Variants in MAP4K3 observed in about 807,000 individuals in gnomAD.
MAP4K3 encodes the protein MAPK/ERK kinase kinase kinase 3.
In MAP4K3, 94 loss-of-function variants were observed where a neutral mutation model predicts 143.5. The ratio of observed to expected loss-of-function variants is 0.65; its 90% confidence interval spans 0.55 to 0.78. The LOEUF is 0.78. Ranked by LOEUF, MAP4K3 falls within the 30% of genes least tolerant of loss-of-function variation. The pLI is 0.00. For missense variants in MAP4K3, 1,077 were observed against 1,068.1 expected, an observed-to-expected ratio of 1.01 and a Z score of -0.12; for synonymous variants, 416 against 347.2, an observed-to-expected ratio of 1.20 and a Z score of -2.20.
At chr2:39,430,658 A>G (rs1016985101) in intron 1 of MAP4K3, among the ~76,000 whole-genome samples, 5 of 152,214 alleles carry the variant, frequency 3.3e-5, no homozygotes, top group Admixed American at 2.6e-4. Context: ...GTCATATGTG[A>G]TAGCCTACTG....
chr2:39,369,060 AC>A (rs1025217089), intron 2 of MAP4K3, among the ~76,000 whole-genome samples: 1 of 152,032 alleles, frequency 6.6e-6, no homozygotes, highest in East Asian at 1.9e-4. Flanking sequence ...ATGTCTTCTC[AC>A]CAGCAGGGCT....
intron 1 of MAP4K3, among the ~76,000 whole-genome samples, chr2:39,388,397 G>T (rs1207977723): frequency 2.0e-5 from 3 of 152,148 alleles, no homozygotes; most frequent in African/African-American, 7.2e-5. Flanking sequence ...TAAATTCACA[G>T]GTGGCACAAA....
chr2:39,380,150 G>C (rs1447865636), intron 1 of MAP4K3, among the ~76,000 whole-genome samples: 3 of 151,962 alleles, frequency 2.0e-5, no homozygotes, highest in Non-Finnish European at 2.9e-5. Flanking sequence ...AATGATTACT[G>C]TTCTTTTGCT....
chr2:39,419,900 G>T (rs183424238), intron 1 of MAP4K3, among the ~76,000 whole-genome samples: 1 of 152,192 alleles, frequency 6.6e-6, no homozygotes, highest in African/African-American at 2.4e-5. Context: ...GATAGAAGAT[G>T]GTGGAGCACA....
At chr2:39,428,787 G>A (rs1359560943) in intron 1 of MAP4K3, among the ~76,000 whole-genome samples, 2 of 151,598 alleles carry the variant, frequency 1.3e-5, no homozygotes, top group African/African-American at 4.8e-5. Context: ...AGGAGTCCAT[G>A]GGCCGGGTGC....
At chr2:39,341,899 T>C (rs577657476) in intron 4 of MAP4K3, among the ~76,000 whole-genome samples, 3 of 152,152 alleles carry the variant, frequency 2.0e-5, no homozygotes, top group African/African-American at 7.2e-5. Context: ...CTCAAATATT[T>C]ATCAAAGAAC....
At chr2:39,314,001 A>T (rs541968875) in intron 13 of MAP4K3, among the ~76,000 whole-genome samples, 2 of 152,310 alleles carry the variant, frequency 1.3e-5, no homozygotes, top group African/African-American at 4.8e-5. Context: ...TGAATATATA[A>T]AGTTTTCTAA....
chr2:39,275,172 T>C (rs1175632624), intron 24 of MAP4K3, among the ~76,000 whole-genome samples: 1 of 152,176 alleles, frequency 6.6e-6, no homozygotes, highest in African/African-American at 2.4e-5. Context: ...TGGGGCTAGG[T>C]GTGGTTGATG....
intron 26 of MAP4K3, 53 bp from the exon 27 acceptor site, chr2:39,267,300 GA>G (rs1029258789): frequency 1.5e-6 from 2 of 1,362,002 alleles, no homozygotes; most frequent in African/African-American, 2.9e-5. Flanking sequence ...CTTAGTATAT[GA>G]AAAAGCTACT....
At chr2:39,266,163 C>G (rs1277918428) in intron 27 of MAP4K3, among the ~76,000 whole-genome samples, 3 of 152,188 alleles carry the variant, frequency 2.0e-5, no homozygotes, top group African/African-American at 7.2e-5. Context: ...GCAGTTCTAA[C>G]AGAGACTCAA....
chr2:39,286,912 A>C lies in MAP4K3; in HGVS notation c.1527T>G (p.Cys509Trp). 1 of 1,609,984 alleles carries C rather than the reference A, an allele frequency of 6.2e-7. No individual in the cohort carries two copies. Among genetic ancestry groups the C allele is most frequent in the Non-Finnish European group, 8.5e-7 (1 of 1,178,768 alleles). Residue 509 changes from cysteine (C) to tryptophan (W), a missense_variant, in exon 21 of 34, where the codon TGT becomes TGG. Physicochemically the swap from Cys to Trp is radical, Grantham distance 215. This residue lies in a region of MAP4K3 where 864 missense variants were observed against 801.2 expected (regional missense o/e 1.08). Transcript: ENST00000263881. The part of the protein sequence containing the change: ...QLNGERDGSL[C>W]QQQNEHRGTN... Reference sequence around the variant, plus strand: ...TGCCTCTATGTTCATTCTGTTGTTGACATAATGAGCCATCTCGTTCACCAT... The same window carrying C: ...TGCCTCTATGTTCATTCTGTTGTTGCCATAATGAGCCATCTCGTTCACCAT...
At chr2:39,359,481 G>A (rs7581692) in intron 2 of MAP4K3, among the ~76,000 whole-genome samples, 2 of 152,040 alleles carry the variant, frequency 1.3e-5, no homozygotes, top group Admixed American at 6.5e-5. Context: ...GCTGTCAGTG[G>A]ATCTACCATT....
At chr2:39,345,426 CA>C (rs1665260187) in intron 3 of MAP4K3, among the ~76,000 whole-genome samples, 1 of 151,934 alleles carries the variant, frequency 6.6e-6, no homozygotes, top group Non-Finnish European at 1.5e-5. Flanking sequence ...TTAAAGAAAA[CA>C]AAAAAGCAGA....
chr2:39,300,721 C>T (rs12997072), intron 15 of MAP4K3, among the ~76,000 whole-genome samples: 103,526 of 152,112 alleles, frequency 0.68, 39,358 homozygotes, highest in Non-Finnish European at 0.85. Flanking sequence ...ACACAAAAGC[C>T]ACCTTGGAGC....
intron 1 of MAP4K3, among the ~76,000 whole-genome samples, chr2:39,391,084 G>A (rs1666639665): frequency 1.3e-5 from 2 of 151,966 alleles, no homozygotes; most frequent in South Asian, 2.1e-4. Flanking sequence ...GGCCGGGCGC[G>A]GTGGCTCAAG....
intron 14 of MAP4K3, 24 bp downstream of exon 14, chr2:39,309,437 A>T: frequency 6.5e-7 from 1 of 1,530,710 alleles, no homozygotes; most frequent in Non-Finnish European, 8.9e-7. Flanking sequence ...TTCAGTGCTA[A>T]CATTCTAAGG....
chr2:39,288,253 T>C lies in MAP4K3; in HGVS notation c.1342A>G (p.Met448Val), dbSNP rs770411489. The C allele has an allele frequency of 3.7e-6, 6 of 1,614,036 alleles. No individual in the cohort carries two copies. Among genetic ancestry groups the C allele is most frequent in the African/African-American group, 1.3e-5 (1 of 75,022 alleles). The stretch of plus-strand genomic sequence containing the variant: ...TGATTTTCATCCTCAGTAGAATGCA[T>C]TTCCTGTGGTATGAAGATAGACTTA... ...KPKSIFIPQE[M>V]HSTEDENQGT... The change falls in exon 20 of 34, where the codon ATG becomes GTG. Residue 448 changes from methionine (M) to valine (V), a missense_variant. Met to Val is a conservative substitution (Grantham distance 21). Coordinates refer to ENST00000263881, the MANE Select transcript of MAP4K3 (RefSeq NM_003618.4).
At chr2:39,279,216 T>A (rs558165678) in intron 23 of MAP4K3, among the ~76,000 whole-genome samples, 23 of 152,278 alleles carry the variant, frequency 1.5e-4, no homozygotes, top group Middle Eastern at 3.4e-3. Flanking sequence ...TAGGCTAAAC[T>A]GAAGTACGCT....
intron 16 of MAP4K3, among the ~76,000 whole-genome samples, chr2:39,293,580 C>G (rs964340807): frequency 9.9e-5 from 15 of 152,096 alleles, no homozygotes; most frequent in Admixed American, 7.9e-4. Context: ...ACAGTACTGA[C>G]AAAACAATAA....
Sources: allele counts gnomAD v4.1 joint callset (sites outside exome capture counted in the v4.1 genomes callset), GRCh38; gene constraint gnomAD v4.1.1; regional missense constraint gnomAD v4.1.1; transcripts MANE v1.5; gene names NCBI Gene and HGNC (gene_info 2026-07-23, HGNC 2026-07-21).